NAV2: variants seen among roughly 807,000 people sequenced by gnomAD.
NAV2 encodes the protein neuron navigator 2.
Under a neutral mutation model 223.2 loss-of-function variants are expected in NAV2, and 54 were observed. That is an observed-to-expected ratio of 0.24 (90% CI 0.19 to 0.30). NAV2 has a LOEUF of 0.30. NAV2 is among the 10% of genes least tolerant of loss of function. NAV2 has a pLI of 1.00. For synonymous variants in NAV2, 1,279 were observed against 1,239.3 expected, an observed-to-expected ratio of 1.03 and a Z score of -0.67; for missense variants, 2,806 against 3,147.5, an observed-to-expected ratio of 0.89 and a Z score of 2.60.
chr11:20,013,019 CACCA>C (rs1421999212), intron 11 of NAV2, among the ~76,000 whole-genome samples: 1 of 152,122 alleles, frequency 6.6e-6, no homozygotes, highest in Non-Finnish European at 1.5e-5. Flanking sequence ...GCACAGTAAA[CACCA>C]TGATAAGAAC....
At chr11:19,432,239 T>G (rs1851064691) in intron 1 of NAV2, among the ~76,000 whole-genome samples, 1 of 151,462 alleles carries the variant, frequency 6.6e-6, no homozygotes, top group South Asian at 2.1e-4. Flanking sequence ...GAATTCACAT[T>G]CTGTGAATGT....
chr11:19,910,431 G>C (rs1258281340), intron 6 of NAV2, among the ~76,000 whole-genome samples: 1 of 151,392 alleles, frequency 6.6e-6, no homozygotes, highest in Non-Finnish European at 1.5e-5. Flanking sequence ...GGGACTGGGA[G>C]AAGGTAGGCA....
At chr11:19,835,258 G>A (rs1191650078) in intron 2 of NAV2, among the ~76,000 whole-genome samples, 1 of 152,120 alleles carries the variant, frequency 6.6e-6, no homozygotes, top group Non-Finnish European at 1.5e-5. Context: ...CCACACCTGA[G>A]GCCACTAAAT....
intron 6 of NAV2, among the ~76,000 whole-genome samples, chr11:19,908,083 G>A (rs1251321767): frequency 6.6e-6 from 1 of 152,214 alleles, no homozygotes; most frequent in Non-Finnish European, 1.5e-5. Flanking sequence ...AACCGGAATG[G>A]CCACTGCTGG....
chr11:19,814,570 T>C (rs2058995417), intron 1 of NAV2, among the ~76,000 whole-genome samples: 1 of 152,204 alleles, frequency 6.6e-6, no homozygotes, highest in Non-Finnish European at 1.5e-5. Flanking sequence ...CAGGGGCTAA[T>C]GGCAGTCCTG....
intron 1 of NAV2, chr11:19,506,201 T>C (rs12364731): frequency 0.014 from 2,183 of 152,420 alleles, 23 homozygotes; most frequent in Non-Finnish European, 0.024. Context: ...AGGAGACCAG[T>C]TCCCACCCCA....
intron 1 of NAV2, among the ~76,000 whole-genome samples, chr11:19,579,031 G>A (rs908111122): frequency 2.0e-5 from 3 of 152,170 alleles, no homozygotes; most frequent in African/African-American, 7.2e-5. Context: ...AGTGCAATGT[G>A]TACAAGTAGA....
At chr11:19,495,007 C>A (rs1335586491) in intron 1 of NAV2, among the ~76,000 whole-genome samples, 6 of 152,118 alleles carry the variant, frequency 3.9e-5, no homozygotes, top group African/African-American at 1.4e-4. Context: ...GTCAGGAACC[C>A]CCTGACAGGA....
At chr11:19,710,103 A>C (rs1043614113), upstream of NAV2, among the ~76,000 whole-genome samples, 1 of 152,246 alleles carries the variant, frequency 6.6e-6, no homozygotes, top group African/African-American at 2.4e-5. Context: ...AATACAATTT[A>C]AACAGGAAAC....
intron 1 of NAV2, among the ~76,000 whole-genome samples, chr11:19,370,950 G>A (rs573954095): frequency 1.3e-5 from 2 of 152,304 alleles, no homozygotes; most frequent in African/African-American, 4.8e-5. Flanking sequence ...GCTGCCTGTA[G>A]CCTCATATGT....
chr11:19,941,588 G>A (rs1384772716), intron 8 of NAV2, among the ~76,000 whole-genome samples: 1 of 151,910 alleles, frequency 6.6e-6, no homozygotes, highest in Non-Finnish European at 1.5e-5. Context: ...ATGCAAATGG[G>A]TGGGTTTTCC....
intron 10 of NAV2, among the ~76,000 whole-genome samples, chr11:19,980,099 TAAC>T (rs1280649003): frequency 6.6e-6 from 1 of 152,184 alleles, no homozygotes; most frequent in Non-Finnish European, 1.5e-5. Flanking sequence ...AACTTGGGTC[TAAC>T]AACAGTCATG....
intron 5 of NAV2, among the ~76,000 whole-genome samples, chr11:19,880,761 C>T (rs773925305): frequency 2.0e-5 from 3 of 152,216 alleles, no homozygotes; most frequent in African/African-American, 4.8e-5. Context: ...TCATACTCAC[C>T]AGGTACAAGC....
intron 9 of NAV2, 25 bp from the exon 10 acceptor site, chr11:19,948,666 C>A: frequency 6.5e-7 from 1 of 1,535,730 alleles, no homozygotes; most frequent in South Asian, 1.3e-5. Context: ...ACCTTTGAGT[C>A]TAATCAGGTT....
At chr11:19,483,893 G>C (rs1391413883) in intron 1 of NAV2, among the ~76,000 whole-genome samples, 1 of 152,244 alleles carries the variant, frequency 6.6e-6, no homozygotes, top group East Asian at 1.9e-4. Context: ...CATGCCCCAG[G>C]AAGCAGCAGA....
chr11:19,400,287 A>C (rs1849628872), intron 1 of NAV2, among the ~76,000 whole-genome samples: 1 of 152,130 alleles, frequency 6.6e-6, no homozygotes, highest in South Asian at 2.1e-4. Context: ...TCATCAATGG[A>C]GTGAGGCTCC....
chr11:20,050,394 T>C (rs1325649450), intron 16 of NAV2, among the ~76,000 whole-genome samples: 3 of 152,134 alleles, frequency 2.0e-5, no homozygotes, highest in Non-Finnish European at 4.4e-5. Flanking sequence ...TTGTGTTCTG[T>C]GTGCCCATTT....
At chr11:20,018,136 T>C in intron 11 of NAV2, among the ~76,000 whole-genome samples, 1 of 152,076 alleles carries the variant, frequency 6.6e-6, no homozygotes, top group East Asian at 1.9e-4. Context: ...GGCGGATCAC[T>C]TGAGATCAGG....
chr11:19,805,104 G>A (rs571318464), intron 1 of NAV2, among the ~76,000 whole-genome samples: 1 of 152,146 alleles, frequency 6.6e-6, no homozygotes, highest in African/African-American at 2.4e-5. Flanking sequence ...GGTGGCCAAA[G>A]GAAGACTTTC....
Sources: allele counts gnomAD v4.1 joint callset (sites outside exome capture counted in the v4.1 genomes callset), GRCh38; gene constraint gnomAD v4.1.1; transcripts MANE v1.5; gene names NCBI Gene and HGNC (gene_info 2026-07-23, HGNC 2026-07-21).